CNBD1: variants seen among roughly 807,000 people sequenced by gnomAD.
CNBD1 encodes the protein cyclic nucleotide-binding domain-containing protein 1.
In CNBD1, 71 loss-of-function variants were observed where a neutral mutation model predicts 54.4. That is an observed-to-expected ratio of 1.30 (90% confidence interval 1.08 to 1.59). The LOEUF is 1.59. CNBD1 is among the 40% of genes most tolerant of loss of function. The pLI, the probability that CNBD1 is intolerant of heterozygous loss-of-function variation, is 0.00. For synonymous variants in CNBD1, 182 were observed against 170.7 expected (o/e 1.07, Z -0.51); for missense variants, 659 against 518.0 (o/e 1.27, Z -2.64).
chr8:87,140,765 G>T (rs746609562), intron 4 of CNBD1, among the ~76,000 whole-genome samples: 1 of 151,958 alleles, frequency 6.6e-6, no homozygotes, highest in African/African-American at 2.4e-5. Flanking sequence ...ATGTAGAATC[G>T]CAAACTTTAA....
chr8:87,017,714 G>C (rs1280915592), intron 4 of CNBD1, among the ~76,000 whole-genome samples: 2 of 151,952 alleles, frequency 1.3e-5, no homozygotes, highest in South Asian at 4.2e-4. Context: ...CTGCTGCTCT[G>C]GTTAAAGAAG....
At position 86,978,636 on chromosome 8, in the gene CNBD1, G is replaced by A. The variant is rs932789874; in HGVS notation, c.431+38882G>A. 8.0e-5 allele frequency among the ~76,000 whole-genome samples: 12 copies of A among 149,128 alleles called. 1 individual carries two copies. Among genetic ancestry groups the A allele is most frequent in the Admixed American group, 4.7e-4 (7 of 14,776 alleles). On this transcript the variant is annotated intron_variant, in intron 4 of 10. Transcript: ENST00000518476. ...TGGCTCACTGCAACCTCCGCATCCC[G>A]GGTTCAAGCAATTCTCCTGCCTCAG...
At chr8:87,096,002 A>G (rs1811312423) in intron 4 of CNBD1, among the ~76,000 whole-genome samples, 1 of 152,136 alleles carries the variant, frequency 6.6e-6, no homozygotes, top group African/African-American at 2.4e-5. Context: ...TCTTAACTGA[A>G]TGTAACCTCA....
intron 4 of CNBD1, among the ~76,000 whole-genome samples, chr8:86,962,544 G>A (rs544311808): frequency 6.6e-6 from 1 of 152,214 alleles, no homozygotes; most frequent in East Asian, 1.9e-4. Context: ...CCAGCACTTT[G>A]GGAGGCTGAG....
intron 10 of CNBD1, among the ~76,000 whole-genome samples, chr8:87,371,811 T>A (rs1295382403): frequency 6.6e-6 from 1 of 151,908 alleles, no homozygotes; most frequent in African/African-American, 2.4e-5. Flanking sequence ...AAACTCTCAA[T>A]AAATTAGGTA....
At chr8:87,404,562 C>T (rs975226087) in intron 2 of CNBD1, among the ~76,000 whole-genome samples, 4 of 152,172 alleles carry the variant, frequency 2.6e-5, no homozygotes, top group South Asian at 2.1e-4. Context: ...ATACAACTCA[C>T]GCTGGTCAAA....
intron 8 of CNBD1, among the ~76,000 whole-genome samples, chr8:87,293,268 GAC>G (rs1798812893): frequency 6.6e-6 from 1 of 152,124 alleles, no homozygotes; most frequent in Non-Finnish European, 1.5e-5. Context: ...AGTCAGGCCG[GAC>G]ACAGTGGCTC....
intron 10 of CNBD1, among the ~76,000 whole-genome samples, chr8:87,371,996 G>A (rs1810816950): frequency 6.6e-6 from 1 of 151,344 alleles, no homozygotes; most frequent in Non-Finnish European, 1.5e-5. Flanking sequence ...AGGGCAATTA[G>A]GCAGGAGAAG....
At chr8:87,099,199 A>G (rs778898358) in intron 4 of CNBD1, among the ~76,000 whole-genome samples, 2 of 152,100 alleles carry the variant, frequency 1.3e-5, no homozygotes, top group African/African-American at 2.4e-5. Context: ...AAAATGGAGA[A>G]AGGCTAGGGG....
chr8:86,967,461 G>A (rs533837191), intron 4 of CNBD1, among the ~76,000 whole-genome samples: 2 of 152,206 alleles, frequency 1.3e-5, no homozygotes, highest in African/African-American at 2.4e-5. Context: ...AAGGGGCGGG[G>A]CTCCCACTGG....
intron 8 of CNBD1, among the ~76,000 whole-genome samples, chr8:87,331,669 A>G (rs1393876441): frequency 3.9e-5 from 6 of 152,188 alleles, no homozygotes; most frequent in Admixed American, 3.3e-4. Flanking sequence ...ATTAATTTAC[A>G]TTCCCACCAG....
At chr8:86,978,316 A>C (rs1218776038) in intron 4 of CNBD1, among the ~76,000 whole-genome samples, 2 of 152,160 alleles carry the variant, frequency 1.3e-5, no homozygotes, top group Admixed American at 6.5e-5. Context: ...TGAGAAAACA[A>C]CAACAATATT....
chr8:87,426,814 A>G (rs1283148406), intron 2 of CNBD1, among the ~76,000 whole-genome samples: 1 of 152,200 alleles, frequency 6.6e-6, no homozygotes, highest in Non-Finnish European at 1.5e-5. Flanking sequence ...TCATTTGTGT[A>G]TCCCATTGAC....
intron 2 of CNBD1, among the ~76,000 whole-genome samples, chr8:86,896,548 G>T (rs1808850927): frequency 6.6e-6 from 1 of 151,976 alleles, no homozygotes; most frequent in South Asian, 2.1e-4. Context: ...ACTAAATTGG[G>T]TTTTTTTGAT....
Position 87,294,650 on chromosome 8 carries a change from T to C in CNBD1, c.1042+7979T>C, listed in dbSNP as rs543405138. On this transcript the variant is annotated intron_variant, in intron 8 of 10. Coordinates refer to ENST00000518476, the MANE Select transcript of CNBD1 (RefSeq NM_173538.3). ...TCATTTCATGTGTGGAAAGATATTT[T>C]TAATTCACATTTTCATTGATAGTCT... 8.5e-4 allele frequency among the ~76,000 whole-genome samples: 129 copies of C among 152,308 alleles called. 1 individual carries two copies. Among genetic ancestry groups the C allele is most frequent in the African/African-American group, 3.1e-3 (127 of 41,566 alleles).
At chr8:87,043,960 T>G (rs929799524) in intron 4 of CNBD1, among the ~76,000 whole-genome samples, 2 of 152,232 alleles carry the variant, frequency 1.3e-5, no homozygotes, top group African/African-American at 4.8e-5. Context: ...ACTTCTACCT[T>G]GGACTTTATT....
At chr8:86,983,759 C>A (rs979517361) in intron 4 of CNBD1, among the ~76,000 whole-genome samples, 1 of 152,142 alleles carries the variant, frequency 6.6e-6, no homozygotes, top group African/African-American at 2.4e-5. Context: ...GAAGAAATTT[C>A]TAAGCAGCAA....
chr8:87,031,989 C>A (rs1809804840), intron 4 of CNBD1, among the ~76,000 whole-genome samples: 1 of 152,202 alleles, frequency 6.6e-6, no homozygotes, highest in African/African-American at 2.4e-5. Flanking sequence ...GATCCTCCCC[C>A]CTCAGCCTCC....
intron 3 of CNBD1, among the ~76,000 whole-genome samples, chr8:86,908,508 C>A (rs1809051373): frequency 6.6e-6 from 1 of 152,106 alleles, no homozygotes; most frequent in South Asian, 2.1e-4. Context: ...CAATATTAAT[C>A]CCCTACTTCA....
Sources: allele counts gnomAD v4.1 joint callset (sites outside exome capture counted in the v4.1 genomes callset), GRCh38; gene constraint gnomAD v4.1.1; transcripts MANE v1.5; gene names NCBI Gene and HGNC (gene_info 2026-07-23, HGNC 2026-07-21).